The following MPRIP variants were observed in gnomAD, a reference collection of about 807,000 sequenced individuals.
The protein encoded by MPRIP is myosin phosphatase Rho interacting protein.
MPRIP carries 59 observed loss-of-function variants against 234.9 expected under a neutral mutation model. The ratio of observed to expected loss-of-function variants is 0.25; its 90% CI spans 0.20 to 0.31. The LOEUF is 0.31. Among genes scored for constraint, MPRIP ranks in the 10% least tolerant of loss-of-function variants. MPRIP has a pLI of 1.00. For synonymous variants in MPRIP, 1,144 were observed against 1,263.9 expected, an observed-to-expected ratio of 0.91 and a Z score of 2.01; for missense variants, 2,436 against 3,071.0, an observed-to-expected ratio of 0.79 and a Z score of 4.89.
In MPRIP at chr17:17,147,396, C is replaced by G; in HGVS notation, c.1629+9C>G. On this transcript the variant is annotated intron_variant, in intron 11 of 23. Coordinates refer to ENST00000651222, the MANE Select transcript of MPRIP (RefSeq NM_001364716.4). ...ATTCAGTGGCTGAGGAGGTGAGTGTCTGGGCTTTGCCTCTGCTGTGGAGAC... is the reference window on the plus strand; with the variant it reads ...ATTCAGTGGCTGAGGAGGTGAGTGTGTGGGCTTTGCCTCTGCTGTGGAGAC... 1 of 1,614,010 alleles carries G rather than the reference C, an allele frequency of 6.2e-7. No individual in the cohort carries two copies. The highest frequency in any genetic ancestry group is 8.5e-7 in the Non-Finnish European group (1 of 1,179,872).
At chr17:17,070,201 C>G (rs1430555127) in intron 1 of MPRIP, among the ~76,000 whole-genome samples, 1 of 151,964 alleles carries the variant, frequency 6.6e-6, no homozygotes, top group Admixed American at 6.6e-5. Flanking sequence ...CTTTCTTTGT[C>G]TTTTAGGTTT....
intron 1 of MPRIP, among the ~76,000 whole-genome samples, chr17:17,072,486 A>G (rs1357686958): frequency 6.6e-6 from 1 of 152,212 alleles, no homozygotes; most frequent in Non-Finnish European, 1.5e-5. Flanking sequence ...TAGCAATGTA[A>G]TTACGTACAT....
intron 6 of MPRIP, among the ~76,000 whole-genome samples, chr17:17,136,796 G>T (rs1451156337): frequency 6.6e-6 from 1 of 152,200 alleles, no homozygotes; most frequent in East Asian, 1.9e-4. Flanking sequence ...CTTTCTGTGT[G>T]CATCCTGCCC....
chr17:17,130,130 C>T (rs2090567151), intron 4 of MPRIP, among the ~76,000 whole-genome samples: 1 of 152,150 alleles, frequency 6.6e-6, no homozygotes, highest in Non-Finnish European at 1.5e-5. Flanking sequence ...TCTGGCATTG[C>T]AGGTGTTTAT....
chr17:17,092,837 G>A (rs1023907110), intron 3 of MPRIP, among the ~76,000 whole-genome samples: 4 of 152,152 alleles, frequency 2.6e-5, no homozygotes, highest in Non-Finnish European at 5.9e-5. Flanking sequence ...CCACAGCCTC[G>A]CCCTTCTGTC....
At position 17,042,978 on chromosome 17, in the gene MPRIP, G is replaced by A. The variant is rs779927670; in HGVS notation, c.123+7G>A. 8.7e-6 allele frequency: 14 copies of A among 1,609,056 alleles called. 1 individual carries two copies. The East Asian group carries it at 2.5e-4, about 28-fold the overall frequency. On this transcript the variant is annotated splice_region_variant and intron_variant, in intron 1 of 23. Transcript: ENST00000651222. The stretch of plus-strand genomic sequence containing the variant: ...CGACGAGGACCTGACGCAGGTGAGC[G>A]ACTGGGGCCGGCCCGGACACCTCCG...
intron 13 of MPRIP, among the ~76,000 whole-genome samples, chr17:17,157,148 A>C (rs1597476169): frequency 6.6e-6 from 1 of 151,600 alleles, no homozygotes; most frequent in East Asian, 1.9e-4. Context: ...TGCCTCAAAC[A>C]CTCCCAGCCT....
At chr17:17,180,626 CGTG>C in intron 23 of MPRIP, 1 of 1,614,042 alleles carries the variant, frequency 6.2e-7, no homozygotes, top group Non-Finnish European at 8.5e-7. Context: ...GAGCAGGTCT[CGTG>C]GGATACCTGA....
At chr17:17,126,523 G>A (rs1288391668) in intron 3 of MPRIP, among the ~76,000 whole-genome samples, 179 bp from the exon 4 acceptor site, 1 of 152,166 alleles carries the variant, frequency 6.6e-6, no homozygotes, top group Non-Finnish European at 1.5e-5. Context: ...TCTGGAGAAG[G>A]CCAGGCCTGT....
rs530437783 is a variant in MPRIP at position 17,069,654 on chromosome 17, G to T, written c.124-6056G>T. ...CATAACTTGTCACAGTCTCTTGGTG[G>T]TGTCATTTTACCAGTTCAAGAGAGT... On this transcript the variant is annotated intron_variant, in intron 1 of 23. Transcript: ENST00000651222. 1.8e-3 allele frequency among the ~76,000 whole-genome samples: 266 copies of T among 151,858 alleles called. 3 individuals carry two copies. The highest frequency in any genetic ancestry group is 7.7e-4 in the East Asian group (4 of 5,166).
At chr17:17,153,362 T>C (rs1264917469) in intron 12 of MPRIP, among the ~76,000 whole-genome samples, 1 of 152,050 alleles carries the variant, frequency 6.6e-6, no homozygotes, top group African/African-American at 2.4e-5. Context: ...TGTGAGCAGC[T>C]CTCGGTTCAA....
At chr17:17,077,944 T>C in intron 2 of MPRIP, 67 bp from the exon 3 acceptor site, 8 of 1,528,722 alleles carry the variant, frequency 5.2e-6, no homozygotes, top group Non-Finnish European at 6.3e-6. Flanking sequence ...ACGTGGGAAC[T>C]CCAGAAGCCA....
chr17:17,180,114 TG>T, intron 23 of MPRIP, 26 bp downstream of exon 23: 1 of 1,538,568 alleles, frequency 6.5e-7, no homozygotes, highest in Admixed American at 2.2e-5. Context: ...AGCCCCCTGG[TG>T]GGAGGGGCTT....
At chr17:17,161,399 C>T (rs1468610797) in intron 15 of MPRIP, 43 bp downstream of exon 15, 1 of 1,404,278 alleles carries the variant, frequency 7.1e-7, no homozygotes, top group Middle Eastern at 1.8e-4. Flanking sequence ...CGCTCAGGAG[C>T]TTCAGTGTGA....
In MPRIP at chr17:17,158,593, C is replaced by T. The variant is rs1395008587; in HGVS notation, c.1991C>T (p.Ala664Val). The T allele has an allele frequency of 1.9e-6, 3 of 1,608,106 alleles. No individual in the cohort carries two copies. Among genetic ancestry groups the T allele is most frequent in the Admixed American group, 1.7e-5 (1 of 59,320 alleles). Residue 664 changes from alanine (A) to valine (V), a missense_variant, in exon 14 of 24, where the codon GCT (alanine) becomes GTT (valine). By Grantham distance (64) the Ala-to-Val change is moderately conservative. Transcript: ENST00000651222. ...GGCCGCTCCAAGACCTTTGACTGGG[C>T]TGAGTTCCGTCCCATCCAGCAGGCC... is the stretch of plus-strand genomic sequence containing the variant. ...REGRSKTFDWAEFRPIQQALA... is the reference protein window; with the variant it reads ...REGRSKTFDWVEFRPIQQALA...
intron 3 of MPRIP, among the ~76,000 whole-genome samples, chr17:17,098,912 C>T (rs932126792): frequency 3.9e-5 from 6 of 152,156 alleles, no homozygotes; most frequent in Non-Finnish European, 1.5e-5. Context: ...CACATTTTCC[C>T]AGCTCTGTAT....
At position 17,189,997 on chromosome 17, in the gene MPRIP, A is replaced by G. The variant is rs910546223; in HGVS notation, c.*5103A>G. On this transcript the variant is annotated 3_prime_UTR_variant, in exon 24 of 24. Coordinates refer to ENST00000651222, the MANE Select transcript of MPRIP (RefSeq NM_001364716.4). Reference sequence around the variant, plus strand: ...TAAGGTATCTACCCACTGTTTTCGCACCTTTCACCTTCCTGGGCTTTCCTG... The same window carrying G: ...TAAGGTATCTACCCACTGTTTTCGCGCCTTTCACCTTCCTGGGCTTTCCTG... 2 of 152,216 alleles carry G rather than the reference A, an allele frequency of 1.3e-5. No homozygotes were observed. Among genetic ancestry groups the G allele is most frequent in the African/African-American group, 2.4e-5 (1 of 41,456 alleles). The allele number at this position is 152,216 out of a possible 1,614,324, so 9.4% of individuals were successfully genotyped here.
Position 17,150,260 on chromosome 17 carries a change from A to G in MPRIP, c.1719+27A>G, listed in dbSNP as rs201350527. 2.0e-6 allele frequency: 3 copies of G among 1,533,534 alleles called. No homozygotes were observed. The Admixed American group carries it at 5.0e-5, about 26-fold the overall frequency. The allele number at this position is 1,533,534 out of a possible 1,614,324, so 95.0% of individuals were successfully genotyped here. A position where few individuals can be genotyped will look rare whatever the true frequency, so the allele number is the denominator to read the frequency against. On this transcript the variant is annotated intron_variant, in intron 12 of 23. Transcript: ENST00000651222. ...TGAGTCCAGGGATGGAAGTGGGGCC[A>G]CAGGCTTGACAGGCAGGGATGCATG...
intron 3 of MPRIP, among the ~76,000 whole-genome samples, chr17:17,083,983 C>T (rs540383766): frequency 9.2e-5 from 14 of 152,250 alleles, no homozygotes; most frequent in Middle Eastern, 3.4e-3. Flanking sequence ...CCTCGTGATC[C>T]GCCCGCCTCG....
Sources: gnomAD v4.1 joint callset for allele counts (sites outside exome capture counted in the v4.1 genomes callset) on GRCh38, gnomAD v4.1.1 for gene constraint, MANE v1.5 for transcripts, NCBI Gene and HGNC (gene_info 2026-07-23, HGNC 2026-07-21) for gene names.